Variants in TGFBR3L observed in about 807,000 individuals in gnomAD.
The protein encoded by TGFBR3L is transforming growth factor-beta receptor type 3-like protein.
TGFBR3L carries 21 observed loss-of-function variants against 20.4 expected under a neutral mutation model. That is an observed-to-expected ratio of 1.03 (90% CI 0.73 to 1.48). TGFBR3L has a LOEUF of 1.48. Among genes scored for constraint, TGFBR3L ranks in the 40% most tolerant of loss-of-function variants. The probability of loss-of-function intolerance (pLI) is 0.00; values close to 1 mark genes in which losing one functional copy is unlikely to be tolerated. For synonymous variants in TGFBR3L, 245 were observed against 244.2 expected, an observed-to-expected ratio of 1.00 and a Z score of -0.03; for missense variants, 479 against 498.0, an observed-to-expected ratio of 0.96 and a Z score of 0.36.
rs186326515 is a variant in TGFBR3L at position 7,918,131 on chromosome 19, T to C, written c.*5+2T>C. On this transcript the variant is annotated splice_donor_variant, in intron 5 of 5. Coordinates refer to ENST00000565886, the MANE Select transcript of TGFBR3L (RefSeq NM_001195259.2). LOFTEE classifies it low-confidence loss of function (3UTR_SPLICE). Reference sequence around the variant, plus strand: ...GCCCAGGAGGTCCCAGTGAGGAAGGTAGGTATGGAGGTGGAGGGAGCTGGG... The same window carrying C: ...GCCCAGGAGGTCCCAGTGAGGAAGGCAGGTATGGAGGTGGAGGGAGCTGGG... 1,765 of 1,534,928 alleles carry C rather than the reference T, an allele frequency of 1.1e-3. 20 individuals are homozygous for C. The African/African-American group carries it at 0.021, about 18-fold the overall frequency.
intron 4 of TGFBR3L, 21 bp downstream of exon 5, chr19:7,917,880 G>C: frequency 7.3e-7 from 1 of 1,369,478 alleles, no homozygotes; most frequent in Admixed American, 3.7e-5. Context: ...CCTCCGCCAA[G>C]CCGGGCCCCC....
intron 4 of TGFBR3L, 37 bp downstream of exon 5, chr19:7,917,896 A>C: frequency 1.4e-6 from 2 of 1,381,304 alleles, no homozygotes; most frequent in Non-Finnish European, 9.3e-7. Context: ...CCCCCAGTCT[A>C]ATCCCGCGCG....
chr19:7,918,075 C>A lies in TGFBR3L; in HGVS notation c.902C>A (p.Pro301Gln), dbSNP rs1270424719. Residue 301 changes from proline to glutamine, a missense_variant, in exon 5 of 6, where the codon CCG (proline) becomes CAG (glutamine). Transcript: ENST00000565886. ...CTTCCAGCGCCCCACGCCCCTGGCCCGCCCGCGAGAGCCTCGCCCAGCGGT... is the reference window on the plus strand; with the variant it reads ...CTTCCAGCGCCCCACGCCCCTGGCCAGCCCGCGAGAGCCTCGCCCAGCGGT... 3.3e-6 allele frequency: 5 copies of A among 1,535,758 alleles called. No individual in the cohort carries two copies. Among genetic ancestry groups the A allele is most frequent in the Non-Finnish European group, 4.4e-6 (5 of 1,146,724 alleles).
At position 7,916,916 on chromosome 19, in the gene TGFBR3L, C is replaced by A; in HGVS notation, c.571C>A (p.Pro191Thr). 1 of 1,277,298 alleles carries A rather than the reference C, an allele frequency of 7.8e-7. No homozygotes were observed. 79.1% of individuals were successfully genotyped at this position (1,277,298 alleles called of 1,614,324 possible). ...CCGCCGGGCGCCTGCGCCTCTGACG[C>A]CGCCGCCGCCGCCGCCGCCATCGCG... Residue 191 changes from proline to threonine, a missense_variant, in exon 2 of 6, where the codon CCG (proline) becomes ACG (threonine). By Grantham distance (38) the Pro-to-Thr change is conservative. Coordinates refer to ENST00000565886, the MANE Select transcript of TGFBR3L (RefSeq NM_001195259.2).
In TGFBR3L at chr19:7,914,857, A is replaced by G. The variant is rs1381208901; in HGVS notation, c.-1411A>G. On this transcript the variant is annotated 5_prime_UTR_variant, in exon 1 of 6. Coordinates refer to ENST00000565886, the MANE Select transcript of TGFBR3L (RefSeq NM_001195259.2). ...ACACTCCGACCTCAGCTGGTCCAGC[A>G]TGCTGGGCACCGTGCTGCTGCTGGC... Among the ~76,000 whole-genome samples the G allele has an allele frequency of 6.6e-6, 1 of 152,190 alleles. No homozygotes were observed. The highest frequency in any genetic ancestry group is 1.5e-5 in the Non-Finnish European group (1 of 68,024).
rs1239267676 is a variant in TGFBR3L, at chr19:7,917,600, G to C, written c.724+1G>C. On this transcript the variant is annotated splice_donor_variant, in intron 3 of 5. Transcript: ENST00000565886. LOFTEE classifies it high-confidence loss of function. ...GTCACCGTGCCGCGGCCGCCCCCCAGTGAGCACGCAGTCCTCCTCCGCATG... is the reference window on the plus strand; with the variant it reads ...GTCACCGTGCCGCGGCCGCCCCCCACTGAGCACGCAGTCCTCCTCCGCATG... 2 of 1,475,346 alleles carry C rather than the reference G, an allele frequency of 1.4e-6. No individual in the cohort carries two copies. The highest frequency in any genetic ancestry group is 1.8e-6 in the Non-Finnish European group (2 of 1,115,284). The allele number at this position is 1,475,346 out of a possible 1,614,324, so 91.4% of individuals were successfully genotyped here.
In TGFBR3L at chr19:7,916,623, C is replaced by T. The variant is rs772132754; in HGVS notation, c.278C>T (p.Ala93Val). The T allele has an allele frequency of 8.3e-5, 118 of 1,419,798 alleles. No individual in the cohort carries two copies. In the Middle Eastern group the frequency reaches 1.4e-3, roughly 17 times the overall value. The allele number at this position is 1,419,798 out of a possible 1,614,324, so 88.0% of individuals were successfully genotyped here. Residue 93 changes from alanine to valine, a missense_variant and splice_region_variant, in exon 2 of 6, where the codon GCG (alanine) becomes GTG (valine). Transcript: ENST00000565886. ...CCTGATGGCGCCTCCGTCCCCCAGGCGGCCTTGGCCCGTCCCTCCCCGCGC... is the reference window on the plus strand; with the variant it reads ...CCTGATGGCGCCTCCGTCCCCCAGGTGGCCTTGGCCCGTCCCTCCCCGCGC...
Position 7,917,607 on chromosome 19 carries a change from C to T in TGFBR3L, c.724+8C>T. On this transcript the variant is annotated splice_region_variant and intron_variant, in intron 3 of 5. Coordinates refer to ENST00000565886, the MANE Select transcript of TGFBR3L (RefSeq NM_001195259.2). ...TGCCGCGGCCGCCCCCCAGTGAGCA[C>T]GCAGTCCTCCTCCGCATGGGGCCGT... The T allele has an allele frequency of 1.4e-6, 2 of 1,469,008 alleles. No homozygotes were observed. The highest frequency in any genetic ancestry group is 1.8e-6 in the Non-Finnish European group (2 of 1,112,416). The allele number at this position is 1,469,008 out of a possible 1,614,324, so 91.0% of individuals were successfully genotyped here.
Position 7,916,452 on chromosome 19 carries a change from T to C in TGFBR3L, c.185T>C (p.Leu62Pro). Residue 62 changes from leucine to proline, a missense_variant, in exon 1 of 6, where the codon CTC (leucine) becomes CCC (proline). Coordinates refer to ENST00000565886, the MANE Select transcript of TGFBR3L (RefSeq NM_001195259.2). Reference sequence around the variant, plus strand: ...CCCGGCCCCTGGCTGCGCAGACCCCTCTTCAGCCTGAAGCTGTCCGACACA... The same window carrying C: ...CCCGGCCCCTGGCTGCGCAGACCCCCCTTCAGCCTGAAGCTGTCCGACACA... 2 of 1,533,564 alleles carry C rather than the reference T, an allele frequency of 1.3e-6. No homozygotes were observed. Among genetic ancestry groups the C allele is most frequent in the Non-Finnish European group, 8.7e-7 (1 of 1,145,890 alleles). The allele number at this position is 1,533,564 out of a possible 1,614,324, so 95.0% of individuals were successfully genotyped here.
intron 4 of TGFBR3L, 40 bp downstream of exon 5, chr19:7,917,899 C>A: frequency 3.6e-6 from 5 of 1,381,572 alleles, no homozygotes; most frequent in Non-Finnish European, 4.7e-6. Flanking sequence ...CCAGTCTAAT[C>A]CCGCGCGTCG....
rs1285860313 is a variant in TGFBR3L at position 7,915,313 on chromosome 19, C to T, written c.-955C>T. Among the ~76,000 whole-genome samples, 1 of 152,254 alleles carries T rather than the reference C, an allele frequency of 6.6e-6. No individual in the cohort carries two copies. The highest frequency in any genetic ancestry group is 2.4e-5 in the African/African-American group (1 of 41,528). On this transcript the variant is annotated 5_prime_UTR_variant, in exon 1 of 6. Transcript: ENST00000565886. ...TTTCAACTAGACCTTTGGTGGTGGT[C>T]CTCATGGGGGTGGGGACAGGGCAGG...
chr19:7,916,353 T>C lies in TGFBR3L; in HGVS notation c.86T>C (p.Leu29Pro), dbSNP rs1038441458. The change falls in exon 1 of 6, where the codon CTA becomes CCA. Residue 29 changes from leucine to proline, a missense_variant. Physicochemically the swap from Leu to Pro is moderately conservative, Grantham distance 98. Coordinates refer to ENST00000565886, the MANE Select transcript of TGFBR3L (RefSeq NM_001195259.2). ...GGTCGGGTCACTTTTCCCGGAGGCC[T>C]AAAGGGCAGCGCGCGTTTTCTCTCC... 1.3e-6 allele frequency: 2 copies of C among 1,535,634 alleles called. No individual in the cohort carries two copies. The highest frequency in any genetic ancestry group is 3.9e-5 in the Admixed American group (2 of 51,002).
chr19:7,917,595 C>A lies in TGFBR3L; in HGVS notation c.720C>A (p.Pro240=). The change falls in exon 3 of 6, where the codon CCC becomes CCA. Residue 240 remains proline (P), a synonymous_variant. Coordinates refer to ENST00000565886, the MANE Select transcript of TGFBR3L (RefSeq NM_001195259.2). ...TCGTGGTCACCGTGCCGCGGCCGCC[C>A]CCCAGTGAGCACGCAGTCCTCCTCC... 1 of 1,475,752 alleles carries A rather than the reference C, an allele frequency of 6.8e-7. No individual in the cohort carries two copies. 91.4% of individuals were successfully genotyped at this position (1,475,752 alleles called of 1,614,324 possible).
Position 7,917,615 on chromosome 19 carries a change from T to C in TGFBR3L, c.724+16T>C. 2 of 1,456,718 alleles carry C rather than the reference T, an allele frequency of 1.4e-6. No homozygotes were observed. The highest frequency in any genetic ancestry group is 2.7e-5 in the South Asian group (2 of 73,978). The allele number at this position is 1,456,718 out of a possible 1,614,324, so 90.2% of individuals were successfully genotyped here. A position where few individuals can be genotyped will look rare whatever the true frequency, so the allele number is the denominator to read the frequency against. ...CCGCCCCCCAGTGAGCACGCAGTCC[T>C]CCTCCGCATGGGGCCGTGGGGCGGC... On this transcript the variant is annotated intron_variant, in intron 3 of 5. Coordinates refer to ENST00000565886, the MANE Select transcript of TGFBR3L (RefSeq NM_001195259.2).
In TGFBR3L at chr19:7,916,895, C is replaced by T. The variant is rs1347736297; in HGVS notation, c.550C>T (p.Arg184Trp). 4 of 1,338,014 alleles carry T rather than the reference C, an allele frequency of 3.0e-6. No individual in the cohort carries two copies. The highest frequency in any genetic ancestry group is 3.8e-6 in the Non-Finnish European group (4 of 1,050,132). The allele number at this position is 1,338,014 out of a possible 1,614,324, so 82.9% of individuals were successfully genotyped here. Residue 184 changes from arginine to tryptophan, a missense_variant, in exon 2 of 6, where the codon CGG becomes TGG. Transcript: ENST00000565886. ...CTGCCGCCGCCTCCGGGGAGTCCGC[C>T]GGGCGCCTGCGCCTCTGACGCCGCC...
chr19:7,918,114 G>C lies in TGFBR3L; in HGVS notation c.941G>C (p.Arg314Thr), dbSNP rs1983401675. 2 of 1,535,258 alleles carry C rather than the reference G, an allele frequency of 1.3e-6. No homozygotes were observed. Among genetic ancestry groups the C allele is most frequent in the African/African-American group, 1.4e-5 (1 of 73,184 alleles). Residue 314 changes from arginine (R) to threonine (T), a missense_variant, in exon 5 of 6, where the codon AGG becomes ACG. Arg to Thr is a moderately conservative substitution (Grantham distance 71, BLOSUM62 -1). Coordinates refer to ENST00000565886, the MANE Select transcript of TGFBR3L (RefSeq NM_001195259.2). ...TCGCCCAGCGGTCCCCAGCCCAGGAGGTCCCAGTGAGGAAGGTAGGTATGG... is the reference window on the plus strand; with the variant it reads ...TCGCCCAGCGGTCCCCAGCCCAGGACGTCCCAGTGAGGAAGGTAGGTATGG...
rs1036336368 is a variant in TGFBR3L, at chr19:7,915,016, G to A, written c.-1252G>A. 3.9e-5 allele frequency among the ~76,000 whole-genome samples: 6 copies of A among 152,064 alleles called. No homozygotes were observed. The East Asian group carries it at 7.7e-4, about 20-fold the overall frequency. On this transcript the variant is annotated 5_prime_UTR_variant, in exon 1 of 6. Transcript: ENST00000565886. ...TTGAGATGGAGTCTTGCTCTGCCAC[G>A]CAGGCTGGAGTGCAGTGGCGCAATC...
chr19:7,916,668 G>GCTGCTCAGTGACGCCGTCCTCA lies in TGFBR3L; in HGVS notation c.325_346dup (p.Arg116LeufsTer20). On this transcript the variant is annotated frameshift_variant, in exon 2 of 6. Coordinates refer to ENST00000565886, the MANE Select transcript of TGFBR3L (RefSeq NM_001195259.2). LOFTEE classifies it high-confidence loss of function. ...CCGCGCTGGGGCCTGGCCCTGCACCGCTGCTCAGTGACGCCGTCCTCACGC... is the reference window on the plus strand; with the variant it reads ...CCGCGCTGGGGCCTGGCCCTGCACCGCTGCTCAGTGACGCCGTCCTCACTGCTCAGTGACGCCGTCCTCACGC... The GCTGCTCAGTGACGCCGTCCTCA allele has an allele frequency of 1.4e-6, 2 of 1,426,044 alleles. No individual in the cohort carries two copies. The highest frequency in any genetic ancestry group is 1.8e-6 in the Non-Finnish European group (2 of 1,102,078). 88.3% of individuals were successfully genotyped at this position (1,426,044 alleles called of 1,614,324 possible).
At chr19:7,916,579 CCGGTGGGGA>C (rs1983311265) in intron 1 of TGFBR3L, 34 bp from the exon 3 acceptor site, 1 of 1,440,410 alleles carries the variant, frequency 6.9e-7, no homozygotes, top group Admixed American at 2.7e-5. Context: ...CGGATGGGGG[CCGGTGGGGA>C]CGGGCGATCC....
Sources: allele counts gnomAD v4.1 joint callset (sites outside exome capture counted in the v4.1 genomes callset), GRCh38; gene constraint gnomAD v4.1.1; transcripts MANE v1.5; gene names NCBI Gene and HGNC (gene_info 2026-07-23, HGNC 2026-07-21).